Variants in CFAP157 observed in about 807,000 individuals in gnomAD.
The protein encoded by CFAP157 is cilia- and flagella-associated protein 157.
CFAP157 carries 43 observed loss-of-function variants against 57.8 expected under a neutral mutation model. That is an observed-to-expected ratio of 0.74 (90% CI 0.58 to 0.96). The LOEUF is 0.96. Ranked by LOEUF, CFAP157 falls within the 40% of genes least tolerant of loss-of-function variation. The pLI is 0.00. For synonymous variants in CFAP157, 267 were observed against 269.0 expected, an observed-to-expected ratio of 0.99 and a Z score of 0.07; for missense variants, 606 against 655.3, an observed-to-expected ratio of 0.92 and a Z score of 0.82.
chr9:127,714,615 C>G lies in CFAP157; in HGVS notation c.*710C>G. 6.2e-7 allele frequency: 1 copy of G among 1,613,974 alleles called. No homozygotes were observed. Among genetic ancestry groups the G allele is most frequent in the East Asian group, 2.2e-5 (1 of 44,868 alleles). ...CTCAGGACCTCACCTGGCACTGCCC[C>G]CCAGCTTCAGAGCCAGTCTCCCCAG... is the stretch of plus-strand genomic sequence containing the variant. On this transcript the variant is annotated 3_prime_UTR_variant, in exon 9 of 9. Transcript: ENST00000373295.
chr9:127,707,463 G>A (rs1242851917), intron 1 of CFAP157, among the ~76,000 whole-genome samples: 1 of 150,786 alleles, frequency 6.6e-6, no homozygotes, highest in African/African-American at 2.4e-5. Flanking sequence ...CAATCCCCAC[G>A]TCCCCCTGCC....
Position 127,709,642 on chromosome 9 carries a change from C to G in CFAP157, c.382C>G (p.His128Asp). Residue 128 changes from histidine (H) to aspartate (D), a missense_variant, in exon 2 of 9, where the codon CAC becomes GAC. Physicochemically the swap from His to Asp is moderately conservative, Grantham distance 81 (BLOSUM62 -1). Transcript: ENST00000373295. This position sits in a 1 kb window ranked among gnomAD's most constrained non-coding sequence, Gnocchi z 4.7. ...CGAGGCGCAGCTGGCCCAGGTGCGCCACGAGTTCCAGGAGACCAAGGACCA... is the reference window on the plus strand; with the variant it reads ...CGAGGCGCAGCTGGCCCAGGTGCGCGACGAGTTCCAGGAGACCAAGGACCA... ...AFEAQLAQVR[H>D]EFQETKDQLT... The G allele has an allele frequency of 1.2e-6, 2 of 1,613,744 alleles. No individual in the cohort carries two copies. Among genetic ancestry groups the G allele is most frequent in the Non-Finnish European group, 1.7e-6 (2 of 1,180,020 alleles).
At position 127,712,177 on chromosome 9, in the gene CFAP157, ACT is replaced by A. The variant is rs1413396473; in HGVS notation, c.987-20_987-19del. 1.2e-6 allele frequency: 2 copies of A among 1,612,962 alleles called. No homozygotes were observed. The highest frequency in any genetic ancestry group is 1.7e-5 in the Admixed American group (1 of 59,920). ...TCCTGGGGAAGGGGGAAGGCTGTTG[ACT>A]CATCCCAGTTGGGGTCCAGGAGCCA... On this transcript the variant is annotated intron_variant, in intron 5 of 8. Coordinates refer to ENST00000373295, the MANE Select transcript of CFAP157 (RefSeq NM_001012502.3).
chr9:127,713,114 C>T lies in CFAP157; in HGVS notation c.1399C>T (p.Arg467Cys), dbSNP rs755443452. 23 of 1,613,040 alleles carry T rather than the reference C, an allele frequency of 1.4e-5. No homozygotes were observed. The Admixed American group carries it at 2.2e-4, about 15-fold the overall frequency. The change falls in exon 8 of 9, where the codon CGC becomes TGC. Residue 467 changes from arginine to cysteine, a missense_variant. By Grantham distance (180) the Arg-to-Cys change is radical (BLOSUM62 -3). Coordinates refer to ENST00000373295, the MANE Select transcript of CFAP157 (RefSeq NM_001012502.3). ...GCCGGGGGATCTAGGCCTGGTACCT[C>T]GCCAGGTCCACATCCCACCCAACCC... Reference protein sequence around the residue: ...YQPGDLGLVPRQVHIPPNPQD... With the variant: ...YQPGDLGLVPCQVHIPPNPQD...
At position 127,711,950 on chromosome 9, in the gene CFAP157, A is replaced by C; in HGVS notation, c.986A>C (p.Lys329Thr). The change falls in exon 5 of 9, where the codon AAG becomes ACG. Residue 329 changes from lysine to threonine, a missense_variant and splice_region_variant. Physicochemically the swap from Lys to Thr is moderately conservative, Grantham distance 78 (BLOSUM62 -1). Transcript: ENST00000373295. ...LQLQVDNQALKSQRDQLSLQL... is the reference protein window; with the variant it reads ...LQLQVDNQALTSQRDQLSLQL... The stretch of plus-strand genomic sequence containing the variant: ...CTGCAGGTGGATAACCAGGCACTGA[A>C]GTGCGTATGGCCCACGGAGGGGCGG... The C allele has an allele frequency of 6.2e-7, 1 of 1,605,592 alleles. No homozygotes were observed. Among genetic ancestry groups the C allele is most frequent in the Non-Finnish European group, 8.5e-7 (1 of 1,177,628 alleles).
In CFAP157 at chr9:127,714,389, A is replaced by G; in HGVS notation, c.*484A>G. ...AAAGGGTAGACTCACATTGGAGTTGAGGCAGCTAATGCAGGAACGGACTCC... is the reference window on the plus strand; with the variant it reads ...AAAGGGTAGACTCACATTGGAGTTGGGGCAGCTAATGCAGGAACGGACTCC... On this transcript the variant is annotated 3_prime_UTR_variant, in exon 9 of 9. Coordinates refer to ENST00000373295, the MANE Select transcript of CFAP157 (RefSeq NM_001012502.3). The G allele has an allele frequency of 6.2e-7, 1 of 1,614,210 alleles. No individual in the cohort carries two copies. Among genetic ancestry groups the G allele is most frequent in the Non-Finnish European group, 8.5e-7 (1 of 1,180,030 alleles).
rs1842657588 is a variant in CFAP157, at chr9:127,707,046, G to A, written c.15G>A (p.Lys5=). 17 of 1,613,958 alleles carry A rather than the reference G, an allele frequency of 1.1e-5. No individual in the cohort carries two copies. Among genetic ancestry groups the A allele is most frequent in the Non-Finnish European group, 1.4e-5 (17 of 1,179,978 alleles). ...TGCCATCAGCCATGGCTCCCAAAAAGAGTGTGAGCAAGGCAGGCAAGGAGC... is the reference window on the plus strand; with the variant it reads ...TGCCATCAGCCATGGCTCCCAAAAAAAGTGTGAGCAAGGCAGGCAAGGAGC... MAPK[K]SVSKAGKELE... is the part of the protein sequence containing the mutation. Residue 5 remains lysine (K), a synonymous_variant, in exon 1 of 9, where the codon AAG becomes AAA. Transcript: ENST00000373295.
In CFAP157 at chr9:127,709,416, C is replaced by A. The variant is rs367704658; in HGVS notation, c.162-6C>A. On this transcript the variant is annotated splice_region_variant and splice_polypyrimidine_tract_variant and intron_variant, in intron 1 of 8. Coordinates refer to ENST00000373295, the MANE Select transcript of CFAP157 (RefSeq NM_001012502.3). The surrounding 1 kb of genome is among the most constrained non-coding windows in gnomAD (Gnocchi z 4.7). ...CCCCTGGACCACGGCTCTGCCCCTG[C>A]CCCAGGTACCAGCGGAAGTGGGATG... 428 of 1,612,304 alleles carry A rather than the reference C, an allele frequency of 2.7e-4. No homozygotes were observed. The highest frequency in any genetic ancestry group is 9.5e-4 in the Admixed American group (57 of 59,922).
Position 127,714,765 on chromosome 9 carries a change from C to A in CFAP157, c.*860C>A. 1 of 1,382,658 alleles carries A rather than the reference C, an allele frequency of 7.2e-7. No homozygotes were observed. Among genetic ancestry groups the A allele is most frequent in the Non-Finnish European group, 1.0e-6 (1 of 989,348 alleles). 85.6% of individuals were successfully genotyped at this position (1,382,658 alleles called of 1,614,324 possible). A position where few individuals can be genotyped will look rare whatever the true frequency, so the allele number is the denominator to read the frequency against. ...TCTGCCCAGAGAGGCACTGTCCCGA[C>A]TCCCATGATGAGGGACCACAACTAA... On this transcript the variant is annotated 3_prime_UTR_variant, in exon 9 of 9. Transcript: ENST00000373295.
chr9:127,714,952 C>T lies in CFAP157; in HGVS notation c.*1047C>T. The T allele has an allele frequency of 2.2e-6, 2 of 900,254 alleles. No homozygotes were observed. The highest frequency in any genetic ancestry group is 1.6e-6 in the Non-Finnish European group (1 of 634,730). The allele number at this position is 900,254 out of a possible 1,614,324, so 55.8% of individuals were successfully genotyped here. ...CCCCCACCCCCTTGGCCCGCCCGCC[C>T]ACCCCTGGCGCTCTCAACTCACCAG... On this transcript the variant is annotated 3_prime_UTR_variant, in exon 9 of 9. Transcript: ENST00000373295.
chr9:127,714,939 T>TGGGGGGGGGGGG lies in CFAP157; in HGVS notation c.*1036_*1037insGGGGGGGGGGGG. On this transcript the variant is annotated 3_prime_UTR_variant, in exon 9 of 9. Coordinates refer to ENST00000373295, the MANE Select transcript of CFAP157 (RefSeq NM_001012502.3). ...CCCCGCGCCCCAACCCCCACCCCCT[T>TGGGGGGGGGGGG]GGCCCGCCCGCCCACCCCTGGCGCT... The TGGGGGGGGGGGG allele has an allele frequency of 2.5e-6, 1 of 407,892 alleles. No individual in the cohort carries two copies. Among genetic ancestry groups the TGGGGGGGGGGGG allele is most frequent in the Non-Finnish European group, 4.5e-6 (1 of 220,904 alleles). The allele number at this position is 407,892 out of a possible 1,614,324, so 25.3% of individuals were successfully genotyped here. A position where few individuals can be genotyped will look rare whatever the true frequency, so the allele number is the denominator to read the frequency against.
rs1200781521 is a variant in CFAP157, at chr9:127,713,008, C to G, written c.1305-12C>G. ...GCCGAAGGCTCTGTGACCCTCGGCC[C>G]CCTCCCCACAGCCGGCCCAGCATCC... is the stretch of plus-strand genomic sequence containing the variant. On this transcript the variant is annotated splice_polypyrimidine_tract_variant and intron_variant, in intron 7 of 8. Transcript: ENST00000373295. 2 of 1,611,114 alleles carry G rather than the reference C, an allele frequency of 1.2e-6. No homozygotes were observed. Among genetic ancestry groups the G allele is most frequent in the Non-Finnish European group, 1.7e-6 (2 of 1,178,884 alleles).
In CFAP157 at chr9:127,710,737, G is replaced by A. The variant is rs367946787; in HGVS notation, c.570G>A (p.Ser190=). 4.3e-5 allele frequency: 68 copies of A among 1,567,320 alleles called. No individual in the cohort carries two copies. The highest frequency in any genetic ancestry group is 1.8e-4 in the African/African-American group (13 of 74,092). The part of the protein sequence containing the change: ...RDYAYNLEKK[S]VLDKDRLRKE... ...ATGCATACAACCTGGAGAAGAAGTCGGTGCTGGACAAGGACAGGTGGGCAA... is the reference window on the plus strand; with the variant it reads ...ATGCATACAACCTGGAGAAGAAGTCAGTGCTGGACAAGGACAGGTGGGCAA... The change falls in exon 3 of 9, where the codon TCG becomes TCA. Residue 190 remains serine (S), a synonymous_variant. Coordinates refer to ENST00000373295, the MANE Select transcript of CFAP157 (RefSeq NM_001012502.3).
At chr9:127,711,208 C>G in intron 3 of CFAP157, 21 bp from the exon 4 acceptor site, 1 of 1,610,702 alleles carries the variant, frequency 6.2e-7, no homozygotes, top group Non-Finnish European at 8.5e-7. Context: ...TGACCCCTTC[C>G]CCTCCCACCT....
rs546250163 is a variant in CFAP157, at chr9:127,710,240, G to A, written c.434-361G>A. Among the ~76,000 whole-genome samples the A allele has an allele frequency of 4.1e-5, 6 of 148,018 alleles. No individual in the cohort carries two copies. The South Asian group carries it at 1.3e-3, about 31-fold the overall frequency. Reference sequence around the variant, plus strand: ...TGAGACTGCAGTGAGCTGTGACTGTGCCACTGCACTCCAGCCTGAGTGACA... The same window carrying A: ...TGAGACTGCAGTGAGCTGTGACTGTACCACTGCACTCCAGCCTGAGTGACA... On this transcript the variant is annotated intron_variant, in intron 2 of 8. Transcript: ENST00000373295.
At position 127,715,531 on chromosome 9, in the gene CFAP157, C is replaced by A. The variant is rs753292760; in HGVS notation, c.*1626C>A. The A allele has an allele frequency of 7.6e-5, 123 of 1,613,290 alleles. No homozygotes were observed. The highest frequency in any genetic ancestry group is 1.0e-4 in the Non-Finnish European group (118 of 1,180,036). ...GACCGGGAGCCCCTACGTCGCCGCCCCACGCCACTCACCATCCACCGCTTC... is the reference window on the plus strand; with the variant it reads ...GACCGGGAGCCCCTACGTCGCCGCCACACGCCACTCACCATCCACCGCTTC... On this transcript the variant is annotated 3_prime_UTR_variant, in exon 9 of 9. Coordinates refer to ENST00000373295, the MANE Select transcript of CFAP157 (RefSeq NM_001012502.3). The surrounding 1 kb of genome is among the most constrained non-coding windows in gnomAD (Gnocchi z 5.8).
In CFAP157 at chr9:127,709,514, C is replaced by A. The variant is rs1425461192; in HGVS notation, c.254C>A (p.Ala85Asp). 6.2e-7 allele frequency: 1 copy of A among 1,614,112 alleles called. No individual in the cohort carries two copies. Among genetic ancestry groups the A allele is most frequent in the South Asian group, 1.1e-5 (1 of 91,088 alleles). ...QLANNKKEIVAFLKRTLNQQV... is the reference protein window; with the variant it reads ...QLANNKKEIVDFLKRTLNQQV... ...GCCAATAACAAGAAGGAGATTGTGGCCTTCCTCAAGCGCACGCTCAACCAG... is the reference window on the plus strand; with the variant it reads ...GCCAATAACAAGAAGGAGATTGTGGACTTCCTCAAGCGCACGCTCAACCAG... The change falls in exon 2 of 9, where the codon GCC (alanine) becomes GAC (aspartate). Residue 85 changes from alanine to aspartate, a missense_variant. Coordinates refer to ENST00000373295, the MANE Select transcript of CFAP157 (RefSeq NM_001012502.3). This position sits in a 1 kb window ranked among gnomAD's most constrained non-coding sequence, Gnocchi z 4.7.
At chr9:127,710,788 A>G (rs1842748583) in intron 3 of CFAP157, 34 bp downstream of exon 3, 1 of 1,550,906 alleles carries the variant, frequency 6.4e-7, no homozygotes, top group Non-Finnish European at 8.7e-7. Context: ...GGGCCTTTGG[A>G]GGCTTCATCC....
chr9:127,709,395 T>G lies in CFAP157; in HGVS notation c.162-27T>G. ...GGCCTGGCTTGCCCAGCCTGACCCCTGGACCACGGCTCTGCCCCTGCCCCA... is the reference window on the plus strand; with the variant it reads ...GGCCTGGCTTGCCCAGCCTGACCCCGGGACCACGGCTCTGCCCCTGCCCCA... On this transcript the variant is annotated intron_variant, in intron 1 of 8. Transcript: ENST00000373295. The surrounding 1 kb of genome is among the most constrained non-coding windows in gnomAD (Gnocchi z 4.7). 1 of 1,607,308 alleles carries G rather than the reference T, an allele frequency of 6.2e-7. No homozygotes were observed. The highest frequency in any genetic ancestry group is 8.5e-7 in the Non-Finnish European group (1 of 1,177,108).
Sources: gnomAD v4.1 joint callset for allele counts (sites outside exome capture counted in the v4.1 genomes callset) on GRCh38, gnomAD v4.1.1 for gene constraint, Gnocchi (gnomAD v3.1) non-coding constraint, MANE v1.5 for transcripts, NCBI Gene and HGNC (gene_info 2026-07-23, HGNC 2026-07-21) for gene names.